The following FMN1 variants were observed in gnomAD, a reference collection of about 807,000 sequenced individuals.
The protein encoded by FMN1 is formin-1.
In FMN1, 110 loss-of-function variants were observed where a neutral mutation model predicts 132.4. The ratio of observed to expected loss-of-function variants is 0.83; its 90% CI spans 0.71 to 0.97. The LOEUF (loss-of-function observed/expected upper bound fraction) is 0.97. FMN1 is among the 50% of genes least tolerant of loss of function. The pLI is 0.00. For missense variants in FMN1, 1,792 were observed against 1,705.3 expected, an observed-to-expected ratio of 1.05 and a Z score of -0.90; for synonymous variants, 722 against 651.7, an observed-to-expected ratio of 1.11 and a Z score of -1.64.
At position 33,154,989 on chromosome 15, in the gene FMN1, T is replaced by C. The variant is rs1307927459; in HGVS notation, c.-75A>G. ...CTTCCCAGGCTCCAGTGGTGAGGCA[T>C]GTGATGGTGGCTATGCAGAGAAAGC... On this transcript the variant is annotated 5_prime_UTR_variant, in exon 4 of 21. The change abolishes an upstream ATG in the 5' untranslated region. Coordinates refer to ENST00000616417, the MANE Select transcript of FMN1 (RefSeq NM_001277313.2). The C allele has an allele frequency of 1.5e-5, 18 of 1,224,134 alleles. No individual in the cohort carries two copies. The highest frequency in any genetic ancestry group is 2.0e-5 in the Non-Finnish European group (18 of 898,570). The allele number at this position is 1,224,134 out of a possible 1,614,324, so 75.8% of individuals were successfully genotyped here. A position where few individuals can be genotyped will look rare whatever the true frequency, so the allele number is the denominator to read the frequency against.
chr15:33,163,641 G>T (rs1964985752), intron 3 of FMN1, among the ~76,000 whole-genome samples: 1 of 126,734 alleles, frequency 7.9e-6, no homozygotes, highest in African/African-American at 3.4e-5. Context: ...TTTTGAGACG[G>T]AGTTTCACTC....
At chr15:32,924,135 T>C (rs1197658889) in intron 10 of FMN1, among the ~76,000 whole-genome samples, 1 of 152,200 alleles carries the variant, frequency 6.6e-6, no homozygotes. Context: ...TCAATTCTTC[T>C]GGAAGATCTA....
At position 33,066,652 on chromosome 15, in the gene FMN1, C is replaced by G. The variant is rs74008203; in HGVS notation, c.2044-1578G>C. On this transcript the variant is annotated intron_variant, in intron 5 of 20. Coordinates refer to ENST00000616417, the MANE Select transcript of FMN1 (RefSeq NM_001277313.2). Reference sequence around the variant, plus strand: ...CAGCTGTGGTCCCCTTTCTGGGGGGCCGGATGAATAGGGCTTTAAAAGCCT... The same window carrying G: ...CAGCTGTGGTCCCCTTTCTGGGGGGGCGGATGAATAGGGCTTTAAAAGCCT... The G allele has an allele frequency of 3.9e-3, 6,370 of 1,613,672 alleles. 192 individuals are homozygous for G. The African/African-American group carries it at 0.072, about 18-fold the overall frequency.
At chr15:33,137,845 C>T (rs17816892) in intron 4 of FMN1, among the ~76,000 whole-genome samples, 11,120 of 152,162 alleles carry the variant, frequency 0.073, 467 homozygotes, top group African/African-American at 0.086. Context: ...TCCCCTGTTA[C>T]AAGGCACAGT....
At chr15:33,032,306 T>C (rs1008512347) in intron 6 of FMN1, among the ~76,000 whole-genome samples, 2 of 152,238 alleles carry the variant, frequency 1.3e-5, no homozygotes, top group Admixed American at 1.3e-4. Context: ...TTCTGGAATA[T>C]GTTCAAAGAT....
chr15:32,951,839 A>G (rs2061660939), intron 9 of FMN1, among the ~76,000 whole-genome samples: 1 of 152,200 alleles, frequency 6.6e-6, no homozygotes, highest in East Asian at 1.9e-4. Context: ...TGTGGGGTTC[A>G]AGAAGCCCCT....
chr15:33,192,639 C>T (rs1966118806), intron 2 of FMN1, among the ~76,000 whole-genome samples: 1 of 152,156 alleles, frequency 6.6e-6, no homozygotes, highest in Non-Finnish European at 1.5e-5. Context: ...TAGTGGCACC[C>T]CTCTAAGATG....
intron 6 of FMN1, among the ~76,000 whole-genome samples, chr15:33,042,651 T>C (rs1018673388): frequency 1.7e-4 from 26 of 152,216 alleles, no homozygotes; most frequent in African/African-American, 6.3e-4. Flanking sequence ...GTGAAGGATT[T>C]AGTAAATGGT....
chr15:33,152,803 A>AAAAAAAAAAAG lies in FMN1; in HGVS notation c.1867+244_1867+245insCTTTTTTTTTT, dbSNP rs58337839. On this transcript the variant is annotated intron_variant, in intron 4 of 20. Coordinates refer to ENST00000616417, the MANE Select transcript of FMN1 (RefSeq NM_001277313.2). ...TAGAGGATGCCAAAAAAAAAAAAAA[A>AAAAAAAAAAAG]GAAAGAAATAAAAGACATTCACAAA... Among the ~76,000 whole-genome samples the AAAAAAAAAAAG allele has an allele frequency of 5.5e-5, 8 of 144,722 alleles. No homozygotes were observed. In the South Asian group the frequency reaches 1.1e-3, roughly 19 times the overall value. 94.9% of individuals were successfully genotyped at this position (144,722 alleles called of 152,430 possible). A position where few individuals can be genotyped will look rare whatever the true frequency, so the allele number is the denominator to read the frequency against.
At position 32,824,168 on chromosome 15, in the gene FMN1, C is replaced by G. The variant is rs549355685; in HGVS notation, c.3929-19836G>C. ...AAAGGAATTTTTAAAAATCTTTGGT[C>G]ACGTTATTATTAATCATGTTATTTA... On this transcript the variant is annotated intron_variant, in intron 17 of 20. Coordinates refer to ENST00000616417, the MANE Select transcript of FMN1 (RefSeq NM_001277313.2). Among the ~76,000 whole-genome samples the G allele has an allele frequency of 7.9e-5, 12 of 152,322 alleles. No homozygotes were observed. The South Asian group carries it at 2.1e-3, about 26-fold the overall frequency.
At chr15:33,120,931 G>C (rs1056644456) in intron 4 of FMN1, among the ~76,000 whole-genome samples, 2 of 152,112 alleles carry the variant, frequency 1.3e-5, no homozygotes, top group African/African-American at 4.8e-5. Context: ...TTATAGTACA[G>C]TAAGCCCATC....
Position 32,771,464 on chromosome 15 carries a change from C to T in FMN1, c.*2846G>A, listed in dbSNP as rs945545191. 4 of 152,180 alleles carry T rather than the reference C, an allele frequency of 2.6e-5. No homozygotes were observed. Among genetic ancestry groups the T allele is most frequent in the African/African-American group, 7.2e-5 (3 of 41,442 alleles). 9.4% of individuals were successfully genotyped at this position (152,180 alleles called of 1,614,324 possible). ...TTTATGTAACTTATGATATTGTGTG[C>T]TCTGATGCTGTCAATTGCTCATGCA... On this transcript the variant is annotated 3_prime_UTR_variant, in exon 21 of 21. Coordinates refer to ENST00000616417, the MANE Select transcript of FMN1 (RefSeq NM_001277313.2).
chr15:33,170,780 T>C (rs764120456), intron 3 of FMN1, among the ~76,000 whole-genome samples: 14 of 152,120 alleles, frequency 9.2e-5, no homozygotes, highest in South Asian at 2.1e-4. Context: ...ACTCATACAC[T>C]GTTGGTGGAA....
At chr15:32,900,583 T>G (rs917765748) in intron 13 of FMN1, among the ~76,000 whole-genome samples, 2 of 152,196 alleles carry the variant, frequency 1.3e-5, no homozygotes, top group African/African-American at 4.8e-5. Flanking sequence ...AAGAAGTATG[T>G]TCTTCTTTAT....
At chr15:32,987,388 A>G (rs1369157304) in intron 7 of FMN1, among the ~76,000 whole-genome samples, 1 of 152,148 alleles carries the variant, frequency 6.6e-6, no homozygotes, top group African/African-American at 2.4e-5. Context: ...CCAGTCATGT[A>G]CTCCGAATAA....
rs1468878438 is a variant in FMN1, at chr15:32,772,879, T to A, written c.*1431A>T. The A allele has an allele frequency of 1.3e-5, 2 of 152,930 alleles. No homozygotes were observed. The highest frequency in any genetic ancestry group is 2.9e-5 in the Non-Finnish European group (2 of 68,638). 9.5% of individuals were successfully genotyped at this position (152,930 alleles called of 1,614,324 possible). On this transcript the variant is annotated 3_prime_UTR_variant, in exon 21 of 21. Coordinates refer to ENST00000616417, the MANE Select transcript of FMN1 (RefSeq NM_001277313.2). Reference sequence around the variant, plus strand: ...TCAGGCACCTGGCAAGTCCAGGGGTTCTGGAAAGATGCTGGGGCAAGGGGC... The same window carrying A: ...TCAGGCACCTGGCAAGTCCAGGGGTACTGGAAAGATGCTGGGGCAAGGGGC...
intron 9 of FMN1, among the ~76,000 whole-genome samples, chr15:32,946,897 T>G (rs923254162): frequency 6.6e-6 from 1 of 152,198 alleles, no homozygotes. Context: ...TCAGGTAGCA[T>G]AGTTTCTTTT....
At chr15:33,112,796 T>C (rs1000287458) in intron 4 of FMN1, among the ~76,000 whole-genome samples, 4 of 152,050 alleles carry the variant, frequency 2.6e-5, no homozygotes, top group Admixed American at 1.3e-4. Flanking sequence ...TGCTAGGAAG[T>C]GGTGTGGGTA....
chr15:33,055,428 A>G (rs1024956038), intron 6 of FMN1, among the ~76,000 whole-genome samples: 6 of 152,158 alleles, frequency 3.9e-5, no homozygotes, highest in African/African-American at 1.4e-4. Context: ...CACCGTGGGT[A>G]CATGTTGTCA....
Sources: gnomAD v4.1 joint callset for allele counts (sites outside exome capture counted in the v4.1 genomes callset) on GRCh38, gnomAD v4.1.1 for gene constraint, MANE v1.5 for transcripts, NCBI Gene and HGNC (gene_info 2026-07-23, HGNC 2026-07-21) for gene names.